The following PRPSAP1 variants were observed in gnomAD, a reference collection of about 807,000 sequenced individuals.
PRPSAP1 encodes the protein phosphoribosyl pyrophosphate synthase-associated protein 1.
Under a neutral mutation model 39.4 loss-of-function variants are expected in PRPSAP1, and 31 were observed. That is an observed-to-expected ratio of 0.79 (90% CI 0.59 to 1.06). The LOEUF is 1.06. Ranked by LOEUF, PRPSAP1 falls within the 50% of genes least tolerant of loss-of-function variation. The probability of loss-of-function intolerance (pLI) is 0.00; values close to 1 mark genes in which losing one functional copy is unlikely to be tolerated. For missense variants in PRPSAP1, 430 were observed against 511.6 expected (o/e 0.84, Z 1.54); for synonymous variants, 212 against 192.6 (o/e 1.10, Z -0.83).
intron 2 of PRPSAP1, 99 bp from the exon 3 acceptor site, chr17:76,344,836 A>G: frequency 3.7e-6 from 3 of 807,896 alleles, no homozygotes; most frequent in Middle Eastern, 6.0e-4. Flanking sequence ...GCGGTGGCAC[A>G]TGCCTGTAAT....
chr17:76,321,819 G>A (rs1280538879), intron 7 of PRPSAP1, among the ~76,000 whole-genome samples: 1 of 152,076 alleles, frequency 6.6e-6, no homozygotes, highest in African/African-American at 2.4e-5. Flanking sequence ...GTTCATGAAG[G>A]ACATTAAAAA....
At chr17:76,349,489 G>A (rs1198679516) in intron 1 of PRPSAP1, among the ~76,000 whole-genome samples, 3 of 151,792 alleles carry the variant, frequency 2.0e-5, no homozygotes, top group African/African-American at 7.3e-5. Flanking sequence ...GGCCGGGTGC[G>A]GTGGCTCACG....
In PRPSAP1 at chr17:76,353,452, G is replaced by T. The variant is rs949927951; in HGVS notation, c.170+82C>A. 7.6e-6 allele frequency: 10 copies of T among 1,323,858 alleles called. No individual in the cohort carries two copies. The Admixed American group carries it at 1.0e-4, about 13-fold the overall frequency. 82.0% of individuals were successfully genotyped at this position (1,323,858 alleles called of 1,614,324 possible). A position where few individuals can be genotyped will look rare whatever the true frequency, so the allele number is the denominator to read the frequency against. ...GCCCCAGGTGCAGGAGGTGGGGCGGGTGGAGGGGAGCGGGTCCCTCCGGGC... is the reference window on the plus strand; with the variant it reads ...GCCCCAGGTGCAGGAGGTGGGGCGGTTGGAGGGGAGCGGGTCCCTCCGGGC... On this transcript the variant is annotated intron_variant, in intron 1 of 9. Transcript: ENST00000446526.
rs566372712 is a variant in PRPSAP1, at chr17:76,350,956, G to A, written c.171-2375C>T. Among the ~76,000 whole-genome samples the A allele has an allele frequency of 7.2e-5, 11 of 152,058 alleles. No homozygotes were observed. The South Asian group carries it at 1.9e-3, about 26-fold the overall frequency. ...TGAGGCAGGAGAATCACTTGAACTC[G>A]GGAGGCGGAGGTTGTGGGTGAGCCA... is the stretch of plus-strand genomic sequence containing the variant. On this transcript the variant is annotated intron_variant, in intron 1 of 9. Coordinates refer to ENST00000446526, the MANE Select transcript of PRPSAP1 (RefSeq NM_002766.3).
intron 7 of PRPSAP1, among the ~76,000 whole-genome samples, chr17:76,315,700 C>CTTTA (rs2071115271): frequency 1.4e-5 from 1 of 72,640 alleles, no homozygotes; most frequent in Admixed American, 1.7e-4. Context: ...GACCTATCCG[C>CTTTA]TTTTTTTTTT....
intron 4 of PRPSAP1, among the ~76,000 whole-genome samples, chr17:76,331,828 A>G (rs1381634498): frequency 1.3e-5 from 2 of 152,072 alleles, no homozygotes; most frequent in African/African-American, 4.8e-5. Flanking sequence ...AGAATAAAGC[A>G]ATGAAAATGA....
At position 76,344,756 on chromosome 17, in the gene PRPSAP1, C is replaced by G; in HGVS notation, c.224-19G>C. 6.5e-7 allele frequency: 1 copy of G among 1,526,990 alleles called. No individual in the cohort carries two copies. Among genetic ancestry groups the G allele is most frequent in the Non-Finnish European group, 8.9e-7 (1 of 1,121,746 alleles). The allele number at this position is 1,526,990 out of a possible 1,614,324, so 94.6% of individuals were successfully genotyped here. On this transcript the variant is annotated intron_variant, in intron 2 of 9. Transcript: ENST00000446526. ...CTTGTTTCTGAAAAATAAAAATGTT[C>G]TGAAGTTTTAAGAAAAGCTCCTATG...
At position 76,340,312 on chromosome 17, in the gene PRPSAP1, T is replaced by C. The variant is rs117997444; in HGVS notation, c.290+4359A>G. On this transcript the variant is annotated intron_variant, in intron 3 of 9. Transcript: ENST00000446526. ...TGGTCCAATTTCCTAATACTCAAGATACAAGTGAGAAAAACGGTAAGTGTT... is the reference window on the plus strand; with the variant it reads ...TGGTCCAATTTCCTAATACTCAAGACACAAGTGAGAAAAACGGTAAGTGTT... 9.2e-5 allele frequency among the ~76,000 whole-genome samples: 14 copies of C among 151,886 alleles called. No individual in the cohort carries two copies. The East Asian group carries it at 2.1e-3, about 23-fold the overall frequency.
chr17:76,320,172 A>G (rs1448606863), intron 7 of PRPSAP1, among the ~76,000 whole-genome samples: 4 of 151,976 alleles, frequency 2.6e-5, no homozygotes, highest in Non-Finnish European at 5.9e-5. Flanking sequence ...TGAGAGAACG[A>G]GCCACGAGAA....
At chr17:76,323,025 C>A (rs1277005512) in intron 7 of PRPSAP1, among the ~76,000 whole-genome samples, 1 of 150,908 alleles carries the variant, frequency 6.6e-6, no homozygotes, top group Non-Finnish European at 1.5e-5. Context: ...AGACAGAGAC[C>A]CCGCCTCTAA....
intron 7 of PRPSAP1, among the ~76,000 whole-genome samples, chr17:76,317,613 T>G (rs537632702): frequency 2.1e-3 from 319 of 152,336 alleles, no homozygotes; most frequent in Non-Finnish European, 3.6e-3. Context: ...AACCCCTATC[T>G]GCATGCAAAC....
At chr17:76,348,376 G>A (rs1019582085) in intron 2 of PRPSAP1, among the ~76,000 whole-genome samples, 153 bp downstream of exon 2, 5 of 151,674 alleles carry the variant, frequency 3.3e-5, no homozygotes, top group African/African-American at 1.2e-4. Context: ...AGCAGGCTGA[G>A]GCAGGAGAAT....
At chr17:76,336,553 G>T (rs750638630) in intron 3 of PRPSAP1, among the ~76,000 whole-genome samples, 1 of 151,440 alleles carries the variant, frequency 6.6e-6, no homozygotes, top group Non-Finnish European at 1.5e-5. Flanking sequence ...CCAACATGGA[G>T]AAACCCCCGT....
intron 7 of PRPSAP1, among the ~76,000 whole-genome samples, chr17:76,319,988 G>A (rs2071171821): frequency 1.3e-5 from 2 of 152,014 alleles, no homozygotes; most frequent in Non-Finnish European, 2.9e-5. Context: ...AATAAATGTA[G>A]GCTGGGCATG....
At position 76,346,063 on chromosome 17, in the gene PRPSAP1, GC is replaced by G. The variant is rs141068397; in HGVS notation, c.224-1327del. On this transcript the variant is annotated intron_variant, in intron 2 of 9. Transcript: ENST00000446526. ...GAATGACTCTATGGGAAGTGGAGAT[GC>G]CTGAACACACCAGGCACCTGCTGGA... 2.6e-3 allele frequency: 946 copies of G among 370,380 alleles called. 10 individuals carry two copies. The highest frequency in any genetic ancestry group is 0.019 in the African/African-American group (894 of 46,406). 22.9% of individuals were successfully genotyped at this position (370,380 alleles called of 1,614,324 possible). A position where few individuals can be genotyped will look rare whatever the true frequency, so the allele number is the denominator to read the frequency against.
intron 7 of PRPSAP1, among the ~76,000 whole-genome samples, chr17:76,318,142 G>T (rs754869978): frequency 2.6e-5 from 4 of 152,118 alleles, no homozygotes; most frequent in Admixed American, 6.6e-5. Flanking sequence ...CCATGGGCAA[G>T]AAGTAGTGCT....
intron 1 of PRPSAP1, among the ~76,000 whole-genome samples, chr17:76,351,753 T>C (rs1465993481): frequency 6.6e-6 from 1 of 152,184 alleles, no homozygotes; most frequent in East Asian, 1.9e-4. Flanking sequence ...GGGAAGTATT[T>C]ATGAATATGT....
At chr17:76,333,409 T>A (rs1440731390) in intron 3 of PRPSAP1, among the ~76,000 whole-genome samples, 1 of 152,100 alleles carries the variant, frequency 6.6e-6, no homozygotes, top group Non-Finnish European at 1.5e-5. Flanking sequence ...TATACCCAGC[T>A]GGAACTTAAT....
At chr17:76,340,928 G>A (rs78158940) in intron 3 of PRPSAP1, among the ~76,000 whole-genome samples, 4 of 151,164 alleles carry the variant, frequency 2.6e-5, no homozygotes, top group East Asian at 1.9e-4. Flanking sequence ...CGGGGGGTAG[G>A]GGGGGACTGT....
Sources: gnomAD v4.1 joint callset for allele counts (sites outside exome capture counted in the v4.1 genomes callset) on GRCh38, gnomAD v4.1.1 for gene constraint, MANE v1.5 for transcripts, NCBI Gene and HGNC (gene_info 2026-07-23, HGNC 2026-07-21) for gene names.